The following SIAH3 variants were observed in gnomAD, a reference collection of about 807,000 sequenced individuals.
SIAH3 encodes the protein seven in absentia homolog 3.
In SIAH3, 9 loss-of-function variants were observed where a neutral mutation model predicts 12.6. The observed-to-expected ratio is 0.72, with a 90% CI of 0.43 to 1.25. SIAH3 has a LOEUF of 1.25. SIAH3 is among the 50% of genes most tolerant of loss of function. The pLI, the probability that SIAH3 is intolerant of heterozygous loss-of-function variation, is 0.00. For synonymous variants in SIAH3, 154 were observed against 151.1 expected (o/e 1.02, Z -0.14); for missense variants, 390 against 365.4 (o/e 1.07, Z -0.55).
Position 45,851,576 on chromosome 13 carries a change from C to T in SIAH3, c.54G>A (p.Arg18=). The T allele has an allele frequency of 6.2e-7, 1 of 1,614,154 alleles. No individual in the cohort carries two copies. The highest frequency in any genetic ancestry group is 8.5e-7 in the Non-Finnish European group (1 of 1,180,030). Residue 18 remains arginine, a synonymous_variant, in exon 1 of 2, where the codon CGG becomes CGA. Coordinates refer to ENST00000400405, the MANE Select transcript of SIAH3 (RefSeq NM_198849.3). ...FGAVLDLIHL[R]FQHYKAKRVF... ...CCCGTTTAGCCTTGTAGTGCTGAAACCGGAGATGAATGAGATCTAATACAG... is the reference window on the plus strand; with the variant it reads ...CCCGTTTAGCCTTGTAGTGCTGAAATCGGAGATGAATGAGATCTAATACAG...
At chr13:45,849,032 A>G (rs898478785) in intron 1 of SIAH3, among the ~76,000 whole-genome samples, 1 of 152,202 alleles carries the variant, frequency 6.6e-6, no homozygotes, top group Non-Finnish European at 1.5e-5. Flanking sequence ...TATACAAGCA[A>G]TGGGGCAGTG....
At position 45,808,440 on chromosome 13, in the gene SIAH3, AT is replaced by A. The variant is rs371335489; in HGVS notation, c.136-24384del. Among the ~76,000 whole-genome samples the A allele has an allele frequency of 1.9e-3, 282 of 152,328 alleles. 4 individuals are homozygous for A. The highest frequency in any genetic ancestry group is 5.0e-3 in the Admixed American group (77 of 15,302). ...AAAGAAAACATCAACCAACATTCAT[AT>A]TTAAGTCACACACATTCATCAATGA... On this transcript the variant is annotated intron_variant, in intron 1 of 1. Transcript: ENST00000400405.
intron 1 of SIAH3, among the ~76,000 whole-genome samples, chr13:45,827,614 C>T (rs1182196313): frequency 6.6e-6 from 1 of 152,166 alleles, no homozygotes; most frequent in African/African-American, 2.4e-5. Flanking sequence ...GGATTCCTTT[C>T]CTCCCTCAGT....
intron 1 of SIAH3, among the ~76,000 whole-genome samples, chr13:45,812,907 G>C (rs1289740045): frequency 6.6e-6 from 1 of 152,220 alleles, no homozygotes; most frequent in Non-Finnish European, 1.5e-5. Flanking sequence ...AGCAAATAAA[G>C]GTGCAAGTCT....
At chr13:45,832,277 C>G (rs1292275934) in intron 1 of SIAH3, among the ~76,000 whole-genome samples, 1 of 152,178 alleles carries the variant, frequency 6.6e-6, no homozygotes, top group African/African-American at 2.4e-5. Flanking sequence ...ATTTGTGTGA[C>G]CATCGCCACT....
intron 1 of SIAH3, among the ~76,000 whole-genome samples, chr13:45,816,289 A>G (rs1481747075): frequency 6.6e-6 from 1 of 152,170 alleles, no homozygotes; most frequent in African/African-American, 2.4e-5. Context: ...CCCTGCAGAG[A>G]ATGGTACCCT....
chr13:45,777,888 T>C lies in SIAH3; in HGVS notation c.*5495A>G, dbSNP rs906566561. Reference sequence around the variant, plus strand: ...ACTGGGATCAGAGTAACTGATGCACTATTGACCTTGAAGATTCTGCCTGCT... The same window carrying C: ...ACTGGGATCAGAGTAACTGATGCACCATTGACCTTGAAGATTCTGCCTGCT... On this transcript the variant is annotated 3_prime_UTR_variant, in exon 2 of 2. Transcript: ENST00000400405. The C allele has an allele frequency of 6.6e-6, 1 of 152,204 alleles. No individual in the cohort carries two copies. The highest frequency in any genetic ancestry group is 2.1e-4 in the South Asian group (1 of 4,832). The allele number at this position is 152,204 out of a possible 1,614,324, so 9.4% of individuals were successfully genotyped here.
chr13:45,804,855 C>T (rs1052315951), intron 1 of SIAH3, among the ~76,000 whole-genome samples: 1 of 151,822 alleles, frequency 6.6e-6, no homozygotes, highest in Admixed American at 6.6e-5. Context: ...AGATGATAAA[C>T]GACTTCAGTA....
At position 45,851,646 on chromosome 13, in the gene SIAH3, T is replaced by C. The variant is rs1272921603; in HGVS notation, c.-17A>G. 5.6e-6 allele frequency: 9 copies of C among 1,613,440 alleles called. No homozygotes were observed. Among genetic ancestry groups the C allele is most frequent in the African/African-American group, 5.4e-5 (4 of 74,742 alleles). On this transcript the variant is annotated 5_prime_UTR_variant, in exon 1 of 2. Transcript: ENST00000400405. The stretch of plus-strand genomic sequence containing the variant: ...GAAAAGCATCACAACTTTTGGGGGG[T>C]TGTTGGTCCGGGAAGGCAGCGGAGG...
intron 1 of SIAH3, among the ~76,000 whole-genome samples, chr13:45,831,851 T>C (rs1024358684): frequency 3.3e-5 from 5 of 152,264 alleles, no homozygotes; most frequent in African/African-American, 7.2e-5. Flanking sequence ...ACAGCATTCA[T>C]GTCTCATGGA....
chr13:45,851,684 C>T lies in SIAH3; in HGVS notation c.-55G>A, dbSNP rs1454908053. The T allele has an allele frequency of 1.9e-6, 3 of 1,611,604 alleles. No homozygotes were observed. Among genetic ancestry groups the T allele is most frequent in the Non-Finnish European group, 2.5e-6 (3 of 1,178,620 alleles). Reference sequence around the variant, plus strand: ...AAGGCAGCGGAGGAAGCTGTGAGTCCTTGGGCCCTGGAAGGAGCGCAGCCT... The same window carrying T: ...AAGGCAGCGGAGGAAGCTGTGAGTCTTTGGGCCCTGGAAGGAGCGCAGCCT... On this transcript the variant is annotated 5_prime_UTR_variant, in exon 1 of 2. Coordinates refer to ENST00000400405, the MANE Select transcript of SIAH3 (RefSeq NM_198849.3).
Position 45,813,462 on chromosome 13 carries a change from C to A in SIAH3, c.136-29405G>T, listed in dbSNP as rs554412541. The stretch of plus-strand genomic sequence containing the variant: ...AGCTTGGTGACCACAAGCCCTATTC[C>A]CCAGCATTACAGAGTCATTCATTCT... On this transcript the variant is annotated intron_variant, in intron 1 of 1. Transcript: ENST00000400405. Among the ~76,000 whole-genome samples, 43 of 152,316 alleles carry A rather than the reference C, an allele frequency of 2.8e-4. 1 individual carries two copies. In the South Asian group the frequency reaches 8.9e-3, roughly 32 times the overall value.
At chr13:45,784,132 A>G in intron 1 of SIAH3, 75 bp from the exon 2 acceptor site, 1 of 1,372,158 alleles carries the variant, frequency 7.3e-7, no homozygotes, top group Non-Finnish European at 1.0e-6. Context: ...TGATGTTCAA[A>G]GTGTTAAAAA....
At position 45,826,184 on chromosome 13, in the gene SIAH3, T is replaced by G. The variant is rs569727298; in HGVS notation, c.135+25311A>C. On this transcript the variant is annotated intron_variant, in intron 1 of 1. Transcript: ENST00000400405. ...AAGCATTTAACATTACCTGATATAT[T>G]TATTTACTTATTATCATTTTCTTCT... Among the ~76,000 whole-genome samples, 4 of 152,292 alleles carry G rather than the reference T, an allele frequency of 2.6e-5. No homozygotes were observed. In the South Asian group the frequency reaches 8.3e-4, roughly 32 times the overall value.
intron 1 of SIAH3, among the ~76,000 whole-genome samples, chr13:45,787,334 C>G (rs1950531708): frequency 6.6e-6 from 1 of 152,136 alleles, no homozygotes; most frequent in African/African-American, 2.4e-5. Flanking sequence ...AGCCATTCAG[C>G]ATACACGTAC....
chr13:45,825,770 T>G (rs1214391257), intron 1 of SIAH3, among the ~76,000 whole-genome samples: 1 of 152,180 alleles, frequency 6.6e-6, no homozygotes, highest in African/African-American at 2.4e-5. Context: ...GGCCCTCATA[T>G]CATACCTGTT....
chr13:45,789,357 CATCTATCTATCTATCTATCT>C (rs67992215), intron 1 of SIAH3, among the ~76,000 whole-genome samples: 124 of 107,202 alleles, frequency 1.2e-3, no homozygotes, highest in Admixed American at 2.3e-3. Context: ...GTGTATCTAT[CATCTATCTATCTATCTATCT>C]ATCTATCTAT....
At chr13:45,784,625 A>G (rs993252502) in intron 1 of SIAH3, among the ~76,000 whole-genome samples, 10 of 152,096 alleles carry the variant, frequency 6.6e-5, no homozygotes, top group Non-Finnish European at 1.3e-4. Context: ...GATCGTGTGC[A>G]CTGGGACTAC....
chr13:45,797,318 G>A (rs1477216554), intron 1 of SIAH3, among the ~76,000 whole-genome samples: 1 of 152,094 alleles, frequency 6.6e-6, no homozygotes, highest in East Asian at 1.9e-4. Context: ...CTTCTCCCAG[G>A]CCAGGATTGC....
Sources: allele counts gnomAD v4.1 joint callset (sites outside exome capture counted in the v4.1 genomes callset), GRCh38; gene constraint gnomAD v4.1.1; transcripts MANE v1.5; gene names NCBI Gene and HGNC (gene_info 2026-07-23, HGNC 2026-07-21).